AKAP9: variants seen among roughly 807,000 people sequenced by gnomAD.
AKAP9 encodes the protein A-kinase anchoring protein 9.
AKAP9 carries 311 observed loss-of-function variants against 488.5 expected under a neutral mutation model. That is an observed-to-expected ratio of 0.64 (90% CI 0.58 to 0.70). AKAP9 has a LOEUF of 0.70. AKAP9 is among the 30% of genes least tolerant of loss of function. The pLI is 0.00. For missense variants in AKAP9, 4,215 were observed against 4,374.5 expected, an observed-to-expected ratio of 0.96 and a Z score of 1.03; for synonymous variants, 1,462 against 1,483.5, an observed-to-expected ratio of 0.99 and a Z score of 0.33.
intron 27 of AKAP9, 69 bp downstream of exon 27, chr7:92,070,275 T>C: frequency 2.7e-6 from 4 of 1,466,288 alleles, no homozygotes; most frequent in Non-Finnish European, 3.8e-6. Context: ...TGTCAACTTC[T>C]TGTAGGTATT....
At position 91,994,877 on chromosome 7, in the gene AKAP9, G is replaced by A. The variant is rs189127447; in HGVS notation, c.732+101G>A. 108 of 1,089,746 alleles carry A rather than the reference G, an allele frequency of 9.9e-5. No homozygotes were observed. The African/African-American group carries it at 1.1e-3, about 11-fold the overall frequency. 67.5% of individuals were successfully genotyped at this position (1,089,746 alleles called of 1,614,324 possible). On this transcript the variant is annotated intron_variant, in intron 6 of 49. Transcript: ENST00000356239. ...CTAAATTTGTTAAAAAAGCCATTTC[G>A]TATTATATCATGTATGAAAAATTAG...
chr7:91,981,093 T>C (rs2130592163), intron 3 of AKAP9, among the ~76,000 whole-genome samples: 1 of 152,338 alleles, frequency 6.6e-6, no homozygotes, highest in African/African-American at 2.4e-5. Flanking sequence ...AAAGTTGGAA[T>C]ATACTTACTA....
At position 92,001,390 on chromosome 7, in the gene AKAP9, G is replaced by A; in HGVS notation, c.1473G>A (p.Met491Ile). The change falls in exon 8 of 50, where the codon ATG becomes ATA. Residue 491 changes from methionine to isoleucine, a missense_variant. Coordinates refer to ENST00000356239, the MANE Select transcript of AKAP9 (RefSeq NM_005751.5). ...TTAATGAAGATCAGATAAAGTTAAT[G>A]AATGTGGCAATAAATGAACTGAATA... ...ITVNEDQIKL[M>I]NVAINELNIK... The A allele has an allele frequency of 6.2e-7, 1 of 1,613,748 alleles. No individual in the cohort carries two copies. The highest frequency in any genetic ancestry group is 1.1e-5 in the South Asian group (1 of 91,052).
intron 46 of AKAP9, among the ~76,000 whole-genome samples, chr7:92,104,386 T>C (rs755652564): frequency 2.4e-4 from 36 of 152,044 alleles, no homozygotes; most frequent in Non-Finnish European, 5.0e-4. Context: ...AGAGACTGGG[T>C]TTCACTGTGT....
intron 14 of AKAP9, among the ~76,000 whole-genome samples, chr7:92,029,171 C>T (rs1563011288): frequency 6.7e-6 from 1 of 150,148 alleles, no homozygotes; most frequent in Non-Finnish European, 1.5e-5. Context: ...GTTTTTATGA[C>T]CTAAGTTAAG....
At chr7:92,093,400 T>A in intron 39 of AKAP9, 84 bp downstream of exon 39, 9 of 1,169,620 alleles carry the variant, frequency 7.7e-6, no homozygotes, top group Non-Finnish European at 1.1e-5. Context: ...TAGAGAAATG[T>A]AACATGCATG....
chr7:92,035,140 C>T (rs1468213097), intron 16 of AKAP9, among the ~76,000 whole-genome samples: 1 of 152,204 alleles, frequency 6.6e-6, no homozygotes, highest in Non-Finnish European at 1.5e-5. Flanking sequence ...TCCTCGTAAG[C>T]AATGTTTAAA....
chr7:92,076,815 T>C lies in AKAP9; in HGVS notation c.6613-40T>C, dbSNP rs762522178. 9.0e-6 allele frequency: 11 copies of C among 1,227,978 alleles called. No individual in the cohort carries two copies. The South Asian group carries it at 1.3e-4, about 14-fold the overall frequency. 76.1% of individuals were successfully genotyped at this position (1,227,978 alleles called of 1,614,324 possible). A position where few individuals can be genotyped will look rare whatever the true frequency, so the allele number is the denominator to read the frequency against. On this transcript the variant is annotated intron_variant, in intron 28 of 49. Transcript: ENST00000356239. ...TTCATTTTATCTTGATAAACGTTTG[T>C]ATAAACATTTTTTCTCTTTTGATAA...
intron 22 of AKAP9, among the ~76,000 whole-genome samples, chr7:92,056,574 G>A (rs746993479): frequency 1.5e-4 from 23 of 150,890 alleles, no homozygotes; most frequent in Non-Finnish European, 3.1e-4. Context: ...AGACTAACTG[G>A]AGGGTTGCAT....
intron 1 of AKAP9, among the ~76,000 whole-genome samples, chr7:91,967,647 A>T (rs1794582121): frequency 1.3e-5 from 2 of 152,176 alleles, no homozygotes; most frequent in Admixed American, 1.3e-4. Flanking sequence ...TTTGGGATGA[A>T]TCCCGCTTGA....
At chr7:91,981,986 C>T (rs904419671) in intron 3 of AKAP9, among the ~76,000 whole-genome samples, 5 of 152,114 alleles carry the variant, frequency 3.3e-5, no homozygotes, top group African/African-American at 2.4e-5. Flanking sequence ...CAGAGTTCCA[C>T]GAAGTGCATT....
intron 16 of AKAP9, among the ~76,000 whole-genome samples, chr7:92,037,120 T>C (rs1407657577): frequency 6.6e-6 from 1 of 152,252 alleles, no homozygotes; most frequent in Non-Finnish European, 1.5e-5. Context: ...GAATTTTCTC[T>C]GCATTGGCTA....
At chr7:92,075,357 A>G (rs1400859211) in intron 28 of AKAP9, among the ~76,000 whole-genome samples, 1 of 152,270 alleles carries the variant, frequency 6.6e-6, no homozygotes, top group African/African-American at 2.4e-5. Context: ...ATGTAGGGAT[A>G]GTTGTAAATA....
intron 16 of AKAP9, among the ~76,000 whole-genome samples, chr7:92,037,883 A>G (rs1805453912): frequency 6.6e-6 from 1 of 152,362 alleles, no homozygotes; most frequent in East Asian, 1.9e-4. Flanking sequence ...AACTTATACT[A>G]CATCTATGTA....
chr7:91,997,063 G>A (rs532447890), intron 7 of AKAP9, among the ~76,000 whole-genome samples: 1 of 152,284 alleles, frequency 6.6e-6, no homozygotes, highest in South Asian at 2.1e-4. Flanking sequence ...TGACTCCAGA[G>A]ACTGCTTTTA....
intron 46 of AKAP9, 68 bp downstream of exon 46, chr7:92,102,894 C>T (rs1409527271): frequency 9.7e-6 from 13 of 1,334,536 alleles, no homozygotes; most frequent in Admixed American, 1.7e-5. Context: ...TTTTAATTCT[C>T]CCTCTATTCT....
rs745606140 is a variant in AKAP9 at position 92,065,302 on chromosome 7, G to A, written c.6049G>A (p.Asp2017Asn). The A allele has an allele frequency of 6.2e-7, 1 of 1,613,138 alleles. No individual in the cohort carries two copies. Among genetic ancestry groups the A allele is most frequent in the Non-Finnish European group, 8.5e-7 (1 of 1,179,498 alleles). Reference protein sequence around the residue: ...EVQCQAEKVRDDLQKQVKALE... With the variant: ...EVQCQAEKVRNDLQKQVKALE... ...ACAATGTCAAGCTGAAAAAGTACGT[G>A]ATGACCTTCAAAAACAAGTGAAAGC... is the stretch of plus-strand genomic sequence containing the variant. Residue 2017 changes from aspartate to asparagine, a missense_variant, in exon 25 of 50, where the codon GAT becomes AAT. Transcript: ENST00000356239.
chr7:92,034,450 A>G (rs892860269), intron 16 of AKAP9, among the ~76,000 whole-genome samples: 2 of 149,594 alleles, frequency 1.3e-5, no homozygotes, highest in Non-Finnish European at 3.0e-5. Flanking sequence ...GTGAATTTAT[A>G]TAGGTAGAGT....
chr7:92,044,723 TTTAG>T (rs1806677914), intron 20 of AKAP9, among the ~76,000 whole-genome samples: 1 of 152,150 alleles, frequency 6.6e-6, no homozygotes, highest in African/African-American at 2.4e-5. Context: ...GGCTTAAGAC[TTTAG>T]TTATTTTTTT....
Sources: gnomAD v4.1 joint callset for allele counts (sites outside exome capture counted in the v4.1 genomes callset) on GRCh38, gnomAD v4.1.1 for gene constraint, MANE v1.5 for transcripts, NCBI Gene and HGNC (gene_info 2026-07-23, HGNC 2026-07-21) for gene names.